The following TENM2 variants were observed in gnomAD, a reference collection of about 807,000 sequenced individuals.
The protein encoded by TENM2 is teneurin-2.
Under a neutral mutation model 245.2 loss-of-function variants are expected in TENM2, and 52 were observed. The ratio of observed to expected loss-of-function variants is 0.21; its 90% CI spans 0.17 to 0.27. TENM2 has a LOEUF of 0.27. Among genes scored for constraint, TENM2 ranks in the 10% least tolerant of loss-of-function variants. The probability of loss-of-function intolerance (pLI) is 1.00; values close to 1 mark genes in which losing one functional copy is unlikely to be tolerated. For missense variants in TENM2, 3,046 were observed against 3,666.8 expected, an observed-to-expected ratio of 0.83 and a Z score of 4.37; for synonymous variants, 1,363 against 1,438.9, an observed-to-expected ratio of 0.95 and a Z score of 1.19.
chr5:167,597,160 CTTTTCTTTTTTTTTTTT>C (rs1776278604), intron 2 of TENM2, among the ~76,000 whole-genome samples: 3 of 102,306 alleles, frequency 2.9e-5, no homozygotes, highest in Non-Finnish European at 6.5e-5. Context: ...CTTTTCTTTT[CTTTTCTTTTTTTTTTTT>C]TTTTTGAGAC....
chr5:168,201,784 C>G (rs1309354259), intron 17 of TENM2, among the ~76,000 whole-genome samples: 1 of 152,172 alleles, frequency 6.6e-6, no homozygotes, highest in Non-Finnish European at 1.5e-5. Context: ...TTATCTTTCT[C>G]TCTCTCTCTA....
the TENM2 span, among the ~76,000 whole-genome samples, chr5:167,080,271 A>ATT: frequency 6.6e-6 from 1 of 151,972 alleles, no homozygotes; most frequent in Non-Finnish European, 1.5e-5. Context: ...ATTATCAGAG[A>ATT]TTTTTTTTCT....
chr5:167,179,693 C>G, the TENM2 span, among the ~76,000 whole-genome samples: 5 of 152,142 alleles, frequency 3.3e-5, no homozygotes, highest in African/African-American at 1.2e-4. Flanking sequence ...CTGGTGGGGC[C>G]AGAGGACAAT....
At chr5:167,599,414 T>A (rs999793609) in intron 2 of TENM2, among the ~76,000 whole-genome samples, 1 of 152,172 alleles carries the variant, frequency 6.6e-6, no homozygotes, top group East Asian at 1.9e-4. Flanking sequence ...ACCATATAAC[T>A]CTCAAGTGCT....
intron 7 of TENM2, among the ~76,000 whole-genome samples, chr5:168,086,765 G>A (rs1442692868): frequency 6.6e-6 from 1 of 152,180 alleles, no homozygotes; most frequent in Non-Finnish European, 1.5e-5. Flanking sequence ...ATCACAGTGA[G>A]GTCCTAGAAC....
At chr5:168,146,296 A>C (rs1052264214) in intron 12 of TENM2, among the ~76,000 whole-genome samples, 1 of 152,110 alleles carries the variant, frequency 6.6e-6, no homozygotes, top group Non-Finnish European at 1.5e-5. Context: ...GAGGAATTAG[A>C]GGGGAAAAGG....
At chr5:168,215,556 C>G (rs1763114792) in intron 21 of TENM2, among the ~76,000 whole-genome samples, 1 of 152,112 alleles carries the variant, frequency 6.6e-6, no homozygotes, top group Admixed American at 6.5e-5. Flanking sequence ...GTAGTCCCAG[C>G]TACTCAGGAG....
the TENM2 span, among the ~76,000 whole-genome samples, chr5:167,213,777 A>G: frequency 1.3e-5 from 2 of 152,210 alleles, no homozygotes; most frequent in Non-Finnish European, 2.9e-5. Flanking sequence ...TGTGCTACTA[A>G]TGGTTGCAGA....
At chr5:168,022,677 C>T (rs1037989322) in intron 5 of TENM2, among the ~76,000 whole-genome samples, 1 of 152,196 alleles carries the variant, frequency 6.6e-6, no homozygotes, top group African/African-American at 2.4e-5. Context: ...AGAAACACTC[C>T]ATGAAATGGA....
chr5:168,196,223 T>C (rs1761417154), intron 15 of TENM2, among the ~76,000 whole-genome samples: 1 of 152,156 alleles, frequency 6.6e-6, no homozygotes, highest in Admixed American at 6.5e-5. Flanking sequence ...GGTAGCCTTA[T>C]AGGCAGTTTC....
rs138972563 is a variant in TENM2 at position 167,304,326 on chromosome 5, C to G, written c.226+19263C>G. ...TTGTGTTGGCTTTCCCTTTCCTTGTCTCTGCCACTGTTCCTTACTCTTGCT... is the reference window on the plus strand; with the variant it reads ...TTGTGTTGGCTTTCCCTTTCCTTGTGTCTGCCACTGTTCCTTACTCTTGCT... On this transcript the variant is annotated intron_variant, in intron 1 of 28. Coordinates refer to ENST00000518659, the Ensembl canonical transcript of TENM2. Among the ~76,000 whole-genome samples, 503 of 152,338 alleles carry G rather than the reference C, an allele frequency of 3.3e-3. 4 individuals carry two copies. Among genetic ancestry groups the G allele is most frequent in the African/African-American group, 0.012 (483 of 41,574 alleles).
At chr5:167,226,258 C>T in the TENM2 span, among the ~76,000 whole-genome samples, 2 of 143,992 alleles carry the variant, frequency 1.4e-5, no homozygotes, top group Non-Finnish European at 3.0e-5. Context: ...TTTAAATTTG[C>T]AATATCCCTA....
At chr5:167,840,692 G>A (rs1222641459) in intron 2 of TENM2, among the ~76,000 whole-genome samples, 1 of 152,092 alleles carries the variant, frequency 6.6e-6, no homozygotes, top group Non-Finnish European at 1.5e-5. Flanking sequence ...TCATGAGGAA[G>A]AAAAACACCA....
the TENM2 span, among the ~76,000 whole-genome samples, chr5:167,238,563 A>G: frequency 1.3e-5 from 2 of 152,174 alleles, no homozygotes; most frequent in Non-Finnish European, 2.9e-5. Flanking sequence ...ACAGCCTCTG[A>G]GATTTGCGGG....
At chr5:167,871,673 A>G (rs1423605813) in intron 2 of TENM2, among the ~76,000 whole-genome samples, 1 of 152,162 alleles carries the variant, frequency 6.6e-6, no homozygotes, top group South Asian at 2.1e-4. Context: ...TTAACAGATC[A>G]GTTGAACCTG....
the TENM2 span, among the ~76,000 whole-genome samples, chr5:167,126,795 A>G: frequency 1.3e-5 from 2 of 152,200 alleles, no homozygotes; most frequent in South Asian, 4.1e-4. Context: ...GCAATTGTAC[A>G]GTTAAGAAAG....
rs143638823 is a variant in TENM2, at chr5:167,470,019, C to T, written c.502+94546C>T. 3.0e-4 allele frequency among the ~76,000 whole-genome samples: 45 copies of T among 152,154 alleles called. No homozygotes were observed. The East Asian group carries it at 4.4e-3, about 15-fold the overall frequency. On this transcript the variant is annotated intron_variant, in intron 2 of 28. Coordinates refer to ENST00000518659, the Ensembl canonical transcript of TENM2. ...ACTCACTTCAAATAATTTCTCTTTA[C>T]GAGTTGAATAAAGTCCTTTTATATC...
intron 5 of TENM2, among the ~76,000 whole-genome samples, chr5:167,993,815 A>C (rs1247557082): frequency 2.6e-5 from 4 of 152,352 alleles, no homozygotes; most frequent in African/African-American, 9.6e-5. Flanking sequence ...AATCTGAATC[A>C]GGGTCACCTC....
At chr5:167,922,227 T>C (rs1777426100) in intron 3 of TENM2, among the ~76,000 whole-genome samples, 1 of 152,198 alleles carries the variant, frequency 6.6e-6, no homozygotes, top group Admixed American at 6.5e-5. Context: ...CCATGAGACT[T>C]CTGATTTCCA....
Sources: gnomAD v4.1 joint callset for allele counts (sites outside exome capture counted in the v4.1 genomes callset) on GRCh38, gnomAD v4.1.1 for gene constraint, MANE v1.5 for transcripts, NCBI Gene and HGNC (gene_info 2026-07-23, HGNC 2026-07-21) for gene names.